The following FBXW10 variants were observed in gnomAD, a reference collection of about 807,000 sequenced individuals.
FBXW10 encodes the protein F-box and WD repeat domain containing 10, also known as F-box/WD repeat-containing protein 10.
FBXW10 carries 68 observed loss-of-function variants against 113.1 expected under a neutral mutation model. That is an observed-to-expected ratio of 0.60 (90% CI 0.49 to 0.74). The LOEUF (loss-of-function observed/expected upper bound fraction) is 0.74. FBXW10 is among the 30% of genes least tolerant of loss of function. The probability of loss-of-function intolerance (pLI) is 0.00; values close to 1 mark genes in which losing one functional copy is unlikely to be tolerated. For missense variants in FBXW10, 753 were observed against 1,284.5 expected, an observed-to-expected ratio of 0.59 and a Z score of 6.32; for synonymous variants, 289 against 481.6, an observed-to-expected ratio of 0.60 and a Z score of 5.24.
intron 7 of FBXW10, among the ~76,000 whole-genome samples, chr17:18,759,916 T>G (rs1375283767): frequency 6.6e-6 from 1 of 152,080 alleles, no homozygotes; most frequent in Non-Finnish European, 1.5e-5. Context: ...CGCCGGGCCC[T>G]TGTTTCTAGT....
chr17:18,769,981 T>A lies in FBXW10; in HGVS notation c.1902T>A (p.Asp634Glu), dbSNP rs759992785. 6.2e-7 allele frequency: 1 copy of A among 1,614,186 alleles called. No homozygotes were observed. Among genetic ancestry groups the A allele is most frequent in the South Asian group, 1.1e-5 (1 of 91,088 alleles). ...TCCGGGTCATCAGCGCCTGTGCAGA[T>A]GGCAAGATCCGAATTTACAATTTCC... ...LFLRVISACA[D>E]GKIRIYNFLN... The change falls in exon 11 of 14, where the codon GAT becomes GAA. Residue 634 changes from aspartate (D) to glutamate (E), a missense_variant. By Grantham distance (45) the Asp-to-Glu change is conservative. Coordinates refer to ENST00000395665, the MANE Select transcript of FBXW10 (RefSeq NM_001267585.2).
At chr17:18,760,427 G>A (rs541234792) in intron 7 of FBXW10, among the ~76,000 whole-genome samples, 1 of 152,228 alleles carries the variant, frequency 6.6e-6, no homozygotes, top group Non-Finnish European at 1.5e-5. Flanking sequence ...GAAGCCCAAA[G>A]GCCATCTGCC....
chr17:18,770,227 A>G, intron 11 of FBXW10, 142 bp downstream of exon 11: 1 of 1,301,486 alleles, frequency 7.7e-7, no homozygotes, highest in East Asian at 2.3e-5. Context: ...GGCTGGGTGG[A>G]GCAATAGTCT....
chr17:18,744,839 A>T (rs999578056), intron 1 of FBXW10, 90 bp downstream of exon 1: 1 of 1,548,812 alleles, frequency 6.5e-7, no homozygotes, highest in African/African-American at 1.4e-5. Context: ...GTTGTAGACA[A>T]CATAGGTAGA....
In FBXW10 at chr17:18,769,961, G is replaced by C; in HGVS notation, c.1882G>C (p.Val628Leu). 1.9e-6 allele frequency: 3 copies of C among 1,614,090 alleles called. No homozygotes were observed. Among genetic ancestry groups the C allele is most frequent in the Non-Finnish European group, 2.5e-6 (3 of 1,180,022 alleles). The part of the protein sequence containing the change: ...VLDVSLLFLR[V>L]ISACADGKIR... ...CGACGTGTCCCTTCTCTTCCTCCGG[G>C]TCATCAGCGCCTGTGCAGATGGCAA... Residue 628 changes from valine (V) to leucine (L), a missense_variant, in exon 11 of 14, where the codon GTC becomes CTC. Coordinates refer to ENST00000395665, the MANE Select transcript of FBXW10 (RefSeq NM_001267585.2).
In FBXW10 at chr17:18,752,481, G is replaced by T. The variant is rs1259733738; in HGVS notation, c.1122+1428G>T. Among the ~76,000 whole-genome samples the T allele has an allele frequency of 3.3e-5, 5 of 152,142 alleles. No homozygotes were observed. In the South Asian group the frequency reaches 1.0e-3, roughly 32 times the overall value. On this transcript the variant is annotated intron_variant, in intron 5 of 13. Coordinates refer to ENST00000395665, the MANE Select transcript of FBXW10 (RefSeq NM_001267585.2). ...TGTAATCCCAGCACTTTGGGAGGCC[G>T]AGGCGGGCGGATCACTAGGTCAGGA...
At chr17:18,746,691 C>T (rs2035043541) in intron 1 of FBXW10, among the ~76,000 whole-genome samples, 1 of 152,070 alleles carries the variant, frequency 6.6e-6, no homozygotes, top group African/African-American at 2.4e-5. Context: ...GACCAAAGTC[C>T]AGGGCATCTG....
Position 18,764,829 on chromosome 17 carries a change from G to C in FBXW10, c.1521G>C (p.Arg507Ser), listed in dbSNP as rs748688767. 39 of 1,613,824 alleles carry C rather than the reference G, an allele frequency of 2.4e-5. No homozygotes were observed. The highest frequency in any genetic ancestry group is 3.2e-5 in the Non-Finnish European group (38 of 1,179,870). The stretch of plus-strand genomic sequence containing the variant: ...CTTGCATGGACTTGTGTAAGAACAG[G>C]CTCGTATCTGGAGGAAGAGATTGCC... Reference protein sequence around the residue: ...TITCMDLCKNRLVSGGRDCQV... With the variant: ...TITCMDLCKNSLVSGGRDCQV... The change falls in exon 8 of 14, where the codon AGG (arginine) becomes AGC (serine). Residue 507 changes from arginine (R) to serine (S), a missense_variant. Coordinates refer to ENST00000395665, the MANE Select transcript of FBXW10 (RefSeq NM_001267585.2).
rs771826360 is a variant in FBXW10, at chr17:18,768,656, G to A, written c.1827G>A (p.Leu609=). 2 of 1,613,878 alleles carry A rather than the reference G, an allele frequency of 1.2e-6. No individual in the cohort carries two copies. The highest frequency in any genetic ancestry group is 1.7e-5 in the Admixed American group (1 of 59,974). The change falls in exon 10 of 14, where the codon CTG becomes CTA. Residue 609 remains leucine, a synonymous_variant. Coordinates refer to ENST00000395665, the MANE Select transcript of FBXW10 (RefSeq NM_001267585.2). ...TGGTGGGGAAGTACGAGCGCTGCCT[G>A]ATGGCCTTCAAGCATCCCAAGTAGG... ...WSMVGKYERC[L]MAFKHPKEVL... is the part of the protein sequence containing the mutation.
rs149546887 is a variant in FBXW10, at chr17:18,772,634, C to A, written c.2229C>A (p.Gly743=). The A allele has an allele frequency of 1.2e-6, 2 of 1,614,130 alleles. No individual in the cohort carries two copies. ...CTGTGATCCAAGAGCTCCTACCAGG[C>A]AAACCTCCCAAGTCCCGAGTACTCC... The part of the protein sequence containing the change: ...KQTVIQELLP[G]KPPKSRVLLK... The change falls in exon 12 of 14, where the codon GGC becomes GGA. Residue 743 remains glycine (G), a synonymous_variant. Coordinates refer to ENST00000395665, the MANE Select transcript of FBXW10 (RefSeq NM_001267585.2).
At chr17:18,770,306 C>T (rs1194522795) in intron 11 of FBXW10, among the ~76,000 whole-genome samples, 2 of 136,670 alleles carry the variant, frequency 1.5e-5, no homozygotes, top group African/African-American at 5.5e-5. Flanking sequence ...TTCATTTTGA[C>T]TTTTTTTTTT....
chr17:18,774,712 G>A (rs540336572), intron 12 of FBXW10, among the ~76,000 whole-genome samples: 1 of 152,156 alleles, frequency 6.6e-6, no homozygotes, highest in Non-Finnish European at 1.5e-5. Context: ...GGAGAATCAC[G>A]TGAACCCAGG....
intron 6 of FBXW10, among the ~76,000 whole-genome samples, chr17:18,756,624 G>A (rs141060553): frequency 0.012 from 1,875 of 151,768 alleles, 18 homozygotes; most frequent in Non-Finnish European, 0.017. Flanking sequence ...AGTAGAAGTG[G>A]TGTTATATTA....
At chr17:18,775,625 A>C (rs1487516305) in intron 13 of FBXW10, among the ~76,000 whole-genome samples, 1 of 152,238 alleles carries the variant, frequency 6.6e-6, no homozygotes. Context: ...GGCTGGTTTC[A>C]GAGAGAATTT....
chr17:18,755,422 G>A (rs1341747087), intron 5 of FBXW10, among the ~76,000 whole-genome samples: 2 of 152,264 alleles, frequency 1.3e-5, no homozygotes, highest in African/African-American at 4.8e-5. Context: ...GGGCATGGTG[G>A]TGCACGCTTG....
intron 6 of FBXW10, 98 bp from the exon 7 acceptor site, chr17:18,758,207 T>C: frequency 7.2e-7 from 1 of 1,391,954 alleles, no homozygotes. Context: ...GGATTTTCCT[T>C]TACACCACTG....
At chr17:18,766,660 CT>C (rs1039542015) in intron 8 of FBXW10, 53 bp from the exon 9 acceptor site, 133 of 1,586,562 alleles carry the variant, frequency 8.4e-5, no homozygotes, top group Middle Eastern at 5.0e-4. Context: ...GTAACCTTTC[CT>C]TTTCCCCCTT....
intron 7 of FBXW10, among the ~76,000 whole-genome samples, chr17:18,761,296 C>T (rs1209964831): frequency 6.6e-6 from 1 of 150,572 alleles, no homozygotes; most frequent in African/African-American, 2.4e-5. Context: ...GACGGAGTCT[C>T]GCTCTCTCGC....
chr17:18,772,049 G>A (rs1567625224), intron 11 of FBXW10, among the ~76,000 whole-genome samples: 1 of 152,204 alleles, frequency 6.6e-6, no homozygotes, highest in Non-Finnish European at 1.5e-5. Context: ...GGAGGTTGCA[G>A]TGAGCTGAGA....
Sources: allele counts gnomAD v4.1 joint callset (sites outside exome capture counted in the v4.1 genomes callset), GRCh38; gene constraint gnomAD v4.1.1; transcripts MANE v1.5; gene names NCBI Gene and HGNC (gene_info 2026-07-23, HGNC 2026-07-21).